Variants in PLCZ1 observed in about 807,000 individuals in gnomAD.
The protein encoded by PLCZ1 is phospholipase C zeta 1.
Under a neutral mutation model 76.8 loss-of-function variants are expected in PLCZ1, and 64 were observed. The observed-to-expected ratio is 0.83, with a 90% CI of 0.68 to 1.03. PLCZ1 has a LOEUF of 1.03. Among genes scored for constraint, PLCZ1 ranks in the 50% least tolerant of loss-of-function variants. The pLI, the probability that PLCZ1 is intolerant of heterozygous loss-of-function variation, is 0.00. For synonymous variants in PLCZ1, 248 were observed against 230.8 expected, an observed-to-expected ratio of 1.07 and a Z score of -0.68; for missense variants, 751 against 713.7, an observed-to-expected ratio of 1.05 and a Z score of -0.60.
chr12:18,729,934 C>T (rs1270540602), intron 3 of PLCZ1, among the ~76,000 whole-genome samples: 1 of 152,060 alleles, frequency 6.6e-6, no homozygotes, highest in Non-Finnish European at 1.5e-5. Context: ...AAATGTAATT[C>T]AATTGTGTAT....
chr12:18,695,903 C>T (rs1023203537), intron 11 of PLCZ1, among the ~76,000 whole-genome samples: 1 of 151,954 alleles, frequency 6.6e-6, no homozygotes, highest in Non-Finnish European at 1.5e-5. Context: ...CTACACATGT[C>T]TCATATTAAC....
intron 10 of PLCZ1, among the ~76,000 whole-genome samples, chr12:18,698,324 T>A (rs932558398): frequency 2.0e-5 from 3 of 152,024 alleles, no homozygotes; most frequent in Non-Finnish European, 4.4e-5. Flanking sequence ...TCCATTCTAC[T>A]CTATACTACT....
At chr12:18,703,516 T>G (rs1285129515) in intron 7 of PLCZ1, among the ~76,000 whole-genome samples, 3 of 152,218 alleles carry the variant, frequency 2.0e-5, no homozygotes, top group African/African-American at 7.2e-5. Flanking sequence ...TGTTATACAT[T>G]GACCAGACTC....
the PLCZ1 span, among the ~76,000 whole-genome samples, chr12:18,660,437 T>C: frequency 6.6e-6 from 1 of 152,012 alleles, no homozygotes; most frequent in Admixed American, 6.6e-5. Context: ...TCCAGGGGGG[T>C]TTAAAGGGCC....
intron 10 of PLCZ1, among the ~76,000 whole-genome samples, chr12:18,699,561 C>CA (rs953209983): frequency 6.6e-6 from 1 of 152,094 alleles, no homozygotes; most frequent in Non-Finnish European, 1.5e-5. Context: ...AATGTGGCCA[C>CA]ATCGGACATT....
In PLCZ1 at chr12:18,684,138, A is replaced by G. The variant is rs758723831; in HGVS notation, c.1733T>C (p.Met578Thr). Residue 578 changes from methionine (M) to threonine (T), a missense_variant, in exon 14 of 15, where the codon ATG (methionine) becomes ACG (threonine). Coordinates refer to ENST00000266505, the MANE Select transcript of PLCZ1 (RefSeq NM_033123.4). ...LGQYTLPLLCMNKGYRRIPLF... is the reference protein window; with the variant it reads ...LGQYTLPLLCTNKGYRRIPLF... ...ACTTTTAGGGACATTACCTTTGTTC[A>G]TGCATAGAAGTGGCAAAGTATATTG... 6 of 1,611,556 alleles carry G rather than the reference A, an allele frequency of 3.7e-6. No homozygotes were observed. In the East Asian group the frequency reaches 1.3e-4, roughly 36 times the overall value.
intron 7 of PLCZ1, among the ~76,000 whole-genome samples, chr12:18,702,089 C>A (rs975315524): frequency 6.6e-6 from 1 of 152,006 alleles, no homozygotes; most frequent in African/African-American, 2.4e-5. Context: ...TATATAAATA[C>A]TTACCATGAT....
the PLCZ1 span, among the ~76,000 whole-genome samples, chr12:18,658,266 A>G: frequency 6.6e-6 from 1 of 152,174 alleles, no homozygotes; most frequent in African/African-American, 2.4e-5. Context: ...AAAAGATAAA[A>G]GGACAGAAAG....
intron 12 of PLCZ1, among the ~76,000 whole-genome samples, chr12:18,692,230 T>C (rs550731826): frequency 6.6e-6 from 1 of 152,182 alleles, no homozygotes; most frequent in East Asian, 1.9e-4. Flanking sequence ...GGATCTGAGA[T>C]GGTTTATACA....
chr12:18,706,137 G>A (rs1956582302), intron 6 of PLCZ1, among the ~76,000 whole-genome samples: 1 of 151,546 alleles, frequency 6.6e-6, no homozygotes. Context: ...GGAGGCTGAG[G>A]CAGGAGAATT....
chr12:18,654,869 G>C, the PLCZ1 span, among the ~76,000 whole-genome samples: 1 of 152,082 alleles, frequency 6.6e-6, no homozygotes, highest in African/African-American at 2.4e-5. Flanking sequence ...TTTGAGAGTG[G>C]AAAGTTGGAA....
chr12:18,663,327 T>C, the PLCZ1 span, among the ~76,000 whole-genome samples: 2 of 152,066 alleles, frequency 1.3e-5, no homozygotes, highest in African/African-American at 4.8e-5. Context: ...TAGAAAACCA[T>C]GAGTCCAGAA....
the PLCZ1 span, among the ~76,000 whole-genome samples, chr12:18,647,492 T>G: frequency 2.6e-5 from 4 of 152,156 alleles, no homozygotes; most frequent in East Asian, 7.7e-4. Flanking sequence ...TCATTAACCT[T>G]CAACACAGAA....
At chr12:18,693,198 A>C in intron 12 of PLCZ1, 1 of 1,567,446 alleles carries the variant, frequency 6.4e-7, no homozygotes, top group Non-Finnish European at 8.8e-7. Context: ...ATTTGCAGAC[A>C]AGGATCTTCT....
At chr12:18,737,256 A>C (rs1251840746) in intron 2 of PLCZ1, 105 bp downstream of exon 2, 3 of 1,232,350 alleles carry the variant, frequency 2.4e-6, no homozygotes, top group Non-Finnish European at 2.4e-6. Context: ...AACTTAAATG[A>C]AGAGGACTTA....
the PLCZ1 span, among the ~76,000 whole-genome samples, chr12:18,661,964 G>T: frequency 6.6e-6 from 1 of 152,078 alleles, no homozygotes; most frequent in Non-Finnish European, 1.5e-5. Flanking sequence ...CATATCATTT[G>T]CAGAAACATG....
At chr12:18,704,658 G>A (rs1276113499) in intron 7 of PLCZ1, among the ~76,000 whole-genome samples, 1 of 152,058 alleles carries the variant, frequency 6.6e-6, no homozygotes, top group East Asian at 1.9e-4. Context: ...GACAGCCAGA[G>A]AGAGAAGTGA....
At chr12:18,695,360 T>C (rs1565669750) in intron 11 of PLCZ1, among the ~76,000 whole-genome samples, 1 of 152,158 alleles carries the variant, frequency 6.6e-6, no homozygotes, top group Non-Finnish European at 1.5e-5. Context: ...AATAACAATG[T>C]TCATGTCAGG....
chr12:18,672,458 T>C, the PLCZ1 span, among the ~76,000 whole-genome samples: 1 of 152,132 alleles, frequency 6.6e-6, no homozygotes, highest in East Asian at 1.9e-4. Flanking sequence ...TCAAATGACT[T>C]GAAAAAAAAC....
Sources: allele counts gnomAD v4.1 joint callset (sites outside exome capture counted in the v4.1 genomes callset), GRCh38; gene constraint gnomAD v4.1.1; transcripts MANE v1.5; gene names NCBI Gene and HGNC (gene_info 2026-07-23, HGNC 2026-07-21).